The following GDA variants were observed in gnomAD, a reference collection of about 807,000 sequenced individuals.
GDA encodes guanine deaminase.
A neutral mutation model predicts 59.6 loss-of-function variants in GDA; 18 were observed. The ratio of observed to expected loss-of-function variants is 0.30; its 90% CI spans 0.21 to 0.45. GDA has a LOEUF of 0.45. GDA is among the 20% of genes least tolerant of loss of function. GDA has a pLI of 1.00. For missense variants in GDA, 427 were observed against 552.3 expected, an observed-to-expected ratio of 0.77 and a Z score of 2.27; for synonymous variants, 201 against 201.1, an observed-to-expected ratio of 1.00 and a Z score of 0.00.
intron 1 of GDA, among the ~76,000 whole-genome samples, chr9:72,153,544 G>C (rs1419585519): frequency 6.7e-6 from 1 of 150,104 alleles, no homozygotes; most frequent in African/African-American, 2.5e-5. Flanking sequence ...TGTTTATTGT[G>C]GCACTATTCA....
intron 5 of GDA, among the ~76,000 whole-genome samples, chr9:72,216,982 A>G (rs899296697): frequency 6.6e-6 from 1 of 152,124 alleles, no homozygotes; most frequent in Non-Finnish European, 1.5e-5. Context: ...GCCCAGGAAT[A>G]GCTATTAACT....
intron 2 of GDA, among the ~76,000 whole-genome samples, chr9:72,201,192 A>T (rs77499154): frequency 7.6e-6 from 1 of 131,210 alleles, no homozygotes; most frequent in African/African-American, 2.7e-5. Flanking sequence ...AGTCACACAG[A>T]ATTTTTTTTT....
intron 1 of GDA, among the ~76,000 whole-genome samples, chr9:72,137,258 T>TC (rs1826268565): frequency 7.2e-6 from 1 of 138,712 alleles, no homozygotes; most frequent in Non-Finnish European, 1.6e-5. Flanking sequence ...TTTTTTTTTT[T>TC]TTTTTGAGAC....
At chr9:72,206,548 G>A (rs1190673922) in intron 3 of GDA, among the ~76,000 whole-genome samples, 1 of 152,044 alleles carries the variant, frequency 6.6e-6, no homozygotes. Flanking sequence ...CTAGGCGGAC[G>A]GATCACCTGA....
upstream of GDA, among the ~76,000 whole-genome samples, chr9:72,146,699 C>T (rs1014135500): frequency 2.6e-5 from 4 of 152,198 alleles, no homozygotes; most frequent in Non-Finnish European, 5.9e-5. Context: ...ACCATGTTGA[C>T]TAGGCTGGTC....
At chr9:72,193,894 G>A (rs1422875406) in intron 1 of GDA, 1 of 132,788 alleles carries the variant, frequency 7.5e-6, no homozygotes, top group African/African-American at 4.3e-5. Context: ...CTTTTTGAAG[G>A]TGGAGGAGCC....
At chr9:72,245,101 G>C in intron 11 of GDA, 47 bp from the exon 12 acceptor site, 1 of 1,602,138 alleles carries the variant, frequency 6.2e-7, no homozygotes, top group Non-Finnish European at 8.5e-7. Flanking sequence ...CATTAGTGTG[G>C]TCTGATGGCT....
intron 8 of GDA, among the ~76,000 whole-genome samples, chr9:72,226,139 GA>G (rs1459884944): frequency 1.3e-5 from 2 of 152,060 alleles, no homozygotes; most frequent in Non-Finnish European, 2.9e-5. Flanking sequence ...GTATCTATTA[GA>G]ATGTAAACCT....
chr9:72,190,529 T>C (rs1395666787), intron 1 of GDA, among the ~76,000 whole-genome samples: 1 of 152,244 alleles, frequency 6.6e-6, no homozygotes, highest in Non-Finnish European at 1.5e-5. Flanking sequence ...ATGTCGATTA[T>C]GTTATTGGTA....
At chr9:72,173,429 CA>C (rs1830202977) in intron 1 of GDA, among the ~76,000 whole-genome samples, 1 of 151,644 alleles carries the variant, frequency 6.6e-6, no homozygotes, top group African/African-American at 2.4e-5. Flanking sequence ...CTCCTGGGTT[CA>C]AGTGATTCTC....
Position 72,213,694 on chromosome 9 carries a change from T to G in GDA, c.473-192T>G, listed in dbSNP as rs561273676. On this transcript the variant is annotated intron_variant, in intron 4 of 13. Coordinates refer to ENST00000358399, the MANE Select transcript of GDA (RefSeq NM_004293.5). The stretch of plus-strand genomic sequence containing the variant: ...GGCGGGCGCCTGTAGTCCCAGCTAC[T>G]CGGGAGGCTGAGGCAGGAGAATGGC... 1.2e-3 allele frequency among the ~76,000 whole-genome samples: 186 copies of G among 151,368 alleles called. 1 individual carries two copies. Among genetic ancestry groups the G allele is most frequent in the African/African-American group, 4.3e-3 (179 of 41,176 alleles).
intron 1 of GDA, among the ~76,000 whole-genome samples, chr9:72,174,809 G>C (rs1830373438): frequency 6.6e-6 from 1 of 152,082 alleles, no homozygotes; most frequent in Admixed American, 6.6e-5. Flanking sequence ...CAGAGAGACA[G>C]AGACAGAGTG....
At chr9:72,225,823 G>T (rs1837487279) in intron 8 of GDA, 39 bp downstream of exon 8, 4 of 733,270 alleles carry the variant, frequency 5.5e-6, no homozygotes, top group South Asian at 3.9e-5. Flanking sequence ...TTAAAGGAGG[G>T]CATATTTATC....
chr9:72,174,761 T>TAGAG (rs903544285), intron 1 of GDA, among the ~76,000 whole-genome samples: 4 of 145,728 alleles, frequency 2.7e-5, no homozygotes, highest in African/African-American at 7.9e-5. Flanking sequence ...TATATATATA[T>TAGAG]AGAGAGAGAG....
intron 12 of GDA, among the ~76,000 whole-genome samples, chr9:72,246,884 A>G (rs1564203275): frequency 6.6e-6 from 1 of 152,134 alleles, no homozygotes; most frequent in Admixed American, 6.5e-5. Flanking sequence ...TTTTTCTTAT[A>G]TCAGGGGTGT....
rs549270850 is a variant in GDA at position 72,241,516 on chromosome 9, G to A, written c.1135+218G>A. Reference sequence around the variant, plus strand: ...ACTGTCTTTGGTAGAATAGATGTCTGAGACACAGTTATCATATTAATTGTT... The same window carrying A: ...ACTGTCTTTGGTAGAATAGATGTCTAAGACACAGTTATCATATTAATTGTT... On this transcript the variant is annotated intron_variant, in intron 11 of 13. Transcript: ENST00000358399. 2.6e-5 allele frequency among the ~76,000 whole-genome samples: 4 copies of A among 152,326 alleles called. No individual in the cohort carries two copies. The East Asian group carries it at 7.7e-4, about 29-fold the overall frequency.
In GDA at chr9:72,226,153, A is replaced by T. The variant is rs1837558307; in HGVS notation, c.822+369A>T. Among the ~76,000 whole-genome samples, 3 of 152,166 alleles carry T rather than the reference A, an allele frequency of 2.0e-5. No individual in the cohort carries two copies. In the South Asian group the frequency reaches 6.2e-4, roughly 31 times the overall value. The stretch of plus-strand genomic sequence containing the variant: ...AGTATCTATTAGAATGTAAACCTAC[A>T]TTTCTTTGAGTCAGCAGATGCATTT... On this transcript the variant is annotated intron_variant, in intron 8 of 13. Coordinates refer to ENST00000358399, the MANE Select transcript of GDA (RefSeq NM_004293.5).
intron 1 of GDA, chr9:72,194,173 C>T (rs1422273281): frequency 6.6e-6 from 1 of 152,052 alleles, no homozygotes; most frequent in Non-Finnish European, 1.5e-5. Context: ...GACAAAGTAC[C>T]GTTTACCCTC....
chr9:72,143,133 T>TC (rs1298103479), intron 1 of GDA, among the ~76,000 whole-genome samples: 2 of 149,390 alleles, frequency 1.3e-5, no homozygotes, highest in African/African-American at 4.9e-5. Flanking sequence ...CAAGAATTTT[T>TC]TTTTTTTTTT....
Sources: allele counts gnomAD v4.1 joint callset (sites outside exome capture counted in the v4.1 genomes callset), GRCh38; gene constraint gnomAD v4.1.1; transcripts MANE v1.5; gene names NCBI Gene and HGNC (gene_info 2026-07-23, HGNC 2026-07-21).